The following DAPK1 variants were observed in gnomAD, a reference collection of about 807,000 sequenced individuals.
DAPK1 encodes the protein death-associated protein kinase 1.
Under a neutral mutation model 144.9 loss-of-function variants are expected in DAPK1, and 56 were observed. The observed-to-expected ratio is 0.39, with a 90% CI of 0.31 to 0.48. The LOEUF is 0.48. Ranked by LOEUF, DAPK1 falls within the 20% of genes least tolerant of loss-of-function variation. The pLI is 0.95. For missense variants in DAPK1, 1,454 were observed against 1,875.4 expected (o/e 0.78, Z 4.15); for synonymous variants, 690 against 749.0 (o/e 0.92, Z 1.29).
rs1045488209 is a variant in DAPK1, at chr9:87,657,452, G to C, written c.1825-577G>C. ...AGAGACATGATGTCATGGAAGGCAG[G>C]GTGGTGCAGTCTAATGATGACACTC... is the stretch of plus-strand genomic sequence containing the variant. On this transcript the variant is annotated intron_variant, in intron 17 of 25. Coordinates refer to ENST00000408954, the MANE Select transcript of DAPK1 (RefSeq NM_004938.4). 8 of 156,138 alleles carry C rather than the reference G, an allele frequency of 5.1e-5. No individual in the cohort carries two copies. The South Asian group carries it at 1.3e-3, about 26-fold the overall frequency. The allele number at this position is 156,138 out of a possible 1,614,324, so 9.7% of individuals were successfully genotyped here.
At chr9:87,652,822 C>T (rs1477954011) in intron 17 of DAPK1, among the ~76,000 whole-genome samples, 7 of 149,406 alleles carry the variant, frequency 4.7e-5, no homozygotes, top group Non-Finnish European at 1.0e-4. Flanking sequence ...GATTCTGTGT[C>T]CATCCCCCTG....
At chr9:87,683,508 TA>T (rs1824719900) in intron 20 of DAPK1, among the ~76,000 whole-genome samples, 1 of 151,912 alleles carries the variant, frequency 6.6e-6, no homozygotes, top group African/African-American at 2.4e-5. Flanking sequence ...GAGGGTGGGA[TA>T]TGAGAGAGAG....
intron 2 of DAPK1, among the ~76,000 whole-genome samples, chr9:87,558,854 T>G (rs1826808378): frequency 6.6e-6 from 1 of 152,152 alleles, no homozygotes; most frequent in African/African-American, 2.4e-5. Flanking sequence ...CGGACTCCTG[T>G]TAGGCAGGTG....
intron 2 of DAPK1, among the ~76,000 whole-genome samples, chr9:87,570,424 G>A (rs1827288751): frequency 6.6e-6 from 1 of 152,174 alleles, no homozygotes. Context: ...ATGTAAATCT[G>A]CCAGATGCCT....
chr9:87,658,267 G>A lies in DAPK1; in HGVS notation c.1923+140G>A, dbSNP rs76222419. On this transcript the variant is annotated intron_variant, in intron 18 of 25. Transcript: ENST00000408954. The stretch of plus-strand genomic sequence containing the variant: ...TGTTCAGCCATAGCTCCTCCACTGC[G>A]GTAACATAGACATTCGCCTACACAT... The A allele has an allele frequency of 6.3e-3, 3,790 of 598,072 alleles. 41 individuals are homozygous for A. Among genetic ancestry groups the A allele is most frequent in the African/African-American group, 0.018 (963 of 53,688 alleles). The allele number at this position is 598,072 out of a possible 1,614,324, so 37.0% of individuals were successfully genotyped here.
chr9:87,549,512 A>G (rs1202223671), intron 2 of DAPK1, among the ~76,000 whole-genome samples: 1 of 152,166 alleles, frequency 6.6e-6, no homozygotes, highest in East Asian at 1.9e-4. Context: ...TATCCTCACT[A>G]TCTCTGAAAT....
At chr9:87,519,538 C>CATCT (rs1347318560) in intron 2 of DAPK1, among the ~76,000 whole-genome samples, 1 of 136,590 alleles carries the variant, frequency 7.3e-6, no homozygotes, top group Non-Finnish European at 1.7e-5. Flanking sequence ...ATGTCAGAGA[C>CATCT]ATCTGCCTGG....
chr9:87,698,373 AG>A (rs1298033413), intron 22 of DAPK1: 3 of 308,864 alleles, frequency 9.7e-6, no homozygotes, highest in African/African-American at 6.4e-5. Flanking sequence ...CCTTGTAAGT[AG>A]GGGCTATTTG....
chr9:87,666,480 T>TTG (rs989328407), intron 18 of DAPK1, among the ~76,000 whole-genome samples: 1 of 149,112 alleles, frequency 6.7e-6, no homozygotes, highest in African/African-American at 2.5e-5. Context: ...TGTTTTTGTT[T>TTG]TTTTTTTTTT....
chr9:87,604,230 A>G (rs778115345), intron 2 of DAPK1, among the ~76,000 whole-genome samples: 1 of 152,102 alleles, frequency 6.6e-6, no homozygotes, highest in African/African-American at 2.4e-5. Flanking sequence ...GTGTCTCTGC[A>G]TCCTCTGAAG....
intron 4 of DAPK1, 80 bp from the exon 5 acceptor site, chr9:87,639,274 T>TTTG: frequency 7.9e-7 from 1 of 1,259,320 alleles, no homozygotes; most frequent in South Asian, 1.8e-5. Flanking sequence ...TTTTTTTTTT[T>TTTG]GGAGAGAAGA....
intron 21 of DAPK1, among the ~76,000 whole-genome samples, chr9:87,696,727 C>T (rs1825271809): frequency 6.6e-6 from 1 of 152,124 alleles, no homozygotes; most frequent in Non-Finnish European, 1.5e-5. Context: ...CACTCACTCA[C>T]TCCTTCCCAC....
chr9:87,610,252 T>TA (rs1312017067), intron 3 of DAPK1, among the ~76,000 whole-genome samples: 3 of 152,254 alleles, frequency 2.0e-5, no homozygotes, highest in Non-Finnish European at 4.4e-5. Context: ...TGTGATTTCT[T>TA]AAAATCACGA....
At position 87,555,597 on chromosome 9, in the gene DAPK1, G is replaced by A. The variant is rs369221301; in HGVS notation, c.63-49357G>A. On this transcript the variant is annotated intron_variant, in intron 2 of 25. Transcript: ENST00000408954. ...CGGCTCACTGCAACCTCTGCCTCCC[G>A]GGTTCAAGCAATTTTCCTGCCTCAG... 7.8e-4 allele frequency among the ~76,000 whole-genome samples: 118 copies of A among 151,370 alleles called. 1 individual carries two copies. In the South Asian group the frequency reaches 0.018, roughly 22 times the overall value.
In DAPK1 at chr9:87,650,181, A is replaced by G. The variant is rs750256032; in HGVS notation, c.1626+63A>G. On this transcript the variant is annotated intron_variant, in intron 16 of 25. Coordinates refer to ENST00000408954, the MANE Select transcript of DAPK1 (RefSeq NM_004938.4). ...GATCTAGGGGTCTAGAGGGACCACA[A>G]GACTCCTCAGTTTGTTTCCCTAAGA... 15 of 1,541,584 alleles carry G rather than the reference A, an allele frequency of 9.7e-6. No homozygotes were observed. In the African/African-American group the frequency reaches 2.0e-4, roughly 21 times the overall value.
intron 2 of DAPK1, among the ~76,000 whole-genome samples, chr9:87,535,258 G>A (rs932279942): frequency 6.6e-6 from 1 of 152,050 alleles, no homozygotes; most frequent in Non-Finnish European, 1.5e-5. Flanking sequence ...TAAGGATGGG[G>A]GGATTACTGT....
At chr9:87,500,122 A>G (rs1016867049) in intron 2 of DAPK1, among the ~76,000 whole-genome samples, 1 of 152,224 alleles carries the variant, frequency 6.6e-6, no homozygotes, top group African/African-American at 2.4e-5. Context: ...AAAGGAAATT[A>G]AAAAACACCC....
At chr9:87,662,563 T>TG (rs1554700245) in intron 18 of DAPK1, among the ~76,000 whole-genome samples, 8,614 of 131,326 alleles carry the variant, frequency 0.066, 502 homozygotes, top group East Asian at 0.19. Context: ...ATTCCTAGTT[T>TG]TTTTTTTTTT....
chr9:87,663,460 C>T (rs1472642807), intron 18 of DAPK1, among the ~76,000 whole-genome samples: 1 of 152,130 alleles, frequency 6.6e-6, no homozygotes, highest in East Asian at 1.9e-4. Context: ...CCAGCTCTTC[C>T]TTTTGCTTCC....
Sources: gnomAD v4.1 joint callset for allele counts (sites outside exome capture counted in the v4.1 genomes callset) on GRCh38, gnomAD v4.1.1 for gene constraint, MANE v1.5 for transcripts, NCBI Gene and HGNC (gene_info 2026-07-23, HGNC 2026-07-21) for gene names.